The following CLIP4 variants were observed in gnomAD, a reference collection of about 807,000 sequenced individuals.
CLIP4 encodes CAP-Gly domain-containing linker protein 4.
Under a neutral mutation model 73.1 loss-of-function variants are expected in CLIP4, and 47 were observed. That is an observed-to-expected ratio of 0.64 (90% CI 0.51 to 0.82). The LOEUF is 0.82. Among genes scored for constraint, CLIP4 ranks in the 40% least tolerant of loss-of-function variants. The pLI, the probability that CLIP4 is intolerant of heterozygous loss-of-function variation, is 0.00. For synonymous variants in CLIP4, 306 were observed against 295.4 expected (o/e 1.04, Z -0.37); for missense variants, 874 against 852.9 (o/e 1.02, Z -0.31).
At position 29,126,305 on chromosome 2, in the gene CLIP4, T is replaced by C. The variant is rs953772809; in HGVS notation, c.133+4784T>C. ...ATTCAAATGTAGTTAGATATGTTAA[T>C]ATATTATTGCATTGTAGCTTAGAGG... On this transcript the variant is annotated intron_variant, in intron 2 of 15. Transcript: ENST00000320081. 2.6e-5 allele frequency among the ~76,000 whole-genome samples: 4 copies of C among 152,264 alleles called. No homozygotes were observed. The East Asian group carries it at 7.7e-4, about 29-fold the overall frequency.
intron 15 of CLIP4, 58 bp from the exon 16 acceptor site, chr2:29,181,514 C>A: frequency 7.7e-7 from 1 of 1,295,520 alleles, no homozygotes; most frequent in Non-Finnish European, 1.1e-6. Flanking sequence ...GAATATGATG[C>A]ATTGCATTAC....
At chr2:29,111,824 T>C (rs1241780209), upstream of CLIP4, among the ~76,000 whole-genome samples, 1 of 152,216 alleles carries the variant, frequency 6.6e-6, no homozygotes, top group East Asian at 1.9e-4. Context: ...CTTCAAGGAT[T>C]GTGCTTTTGC....
At chr2:29,170,708 T>A (rs996266208) in intron 14 of CLIP4, among the ~76,000 whole-genome samples, 3 of 152,226 alleles carry the variant, frequency 2.0e-5, no homozygotes, top group Non-Finnish European at 4.4e-5. Context: ...TCCTGTGTTA[T>A]CTTCTAGGAG....
intron 2 of CLIP4, among the ~76,000 whole-genome samples, chr2:29,126,732 C>CT (rs1468379734): frequency 2.6e-5 from 4 of 152,186 alleles, no homozygotes; most frequent in Admixed American, 6.5e-5. Flanking sequence ...GGTGAATTCT[C>CT]TAAGTGGCCC....
intron 7 of CLIP4, among the ~76,000 whole-genome samples, chr2:29,144,211 A>G (rs762129581): frequency 5.3e-5 from 8 of 152,202 alleles, no homozygotes; most frequent in Admixed American, 5.2e-4. Flanking sequence ...ATTTAGAAGC[A>G]TGAGCTAAGG....
chr2:29,132,083 A>G (rs1665011699), intron 3 of CLIP4, 69 bp from the exon 4 acceptor site: 1 of 1,135,174 alleles, frequency 8.8e-7, no homozygotes, highest in African/African-American at 1.5e-5. Context: ...TTGGTTCCTC[A>G]GCATTGGTTT....
intron 15 of CLIP4, 174 bp downstream of exon 15, chr2:29,174,619 G>T (rs550996839): frequency 1.5e-6 from 2 of 1,342,614 alleles, no homozygotes; most frequent in Non-Finnish European, 1.9e-6. Context: ...CTTTGCAAGC[G>T]CAATTAAAAA....
intron 9 of CLIP4, among the ~76,000 whole-genome samples, chr2:29,156,007 G>T (rs1411607837): frequency 1.3e-5 from 2 of 152,164 alleles, no homozygotes; most frequent in Non-Finnish European, 2.9e-5. Context: ...ACTATTTTCT[G>T]TGTCTTAAGA....
rs375466824 is a variant in CLIP4 at position 29,109,529 on chromosome 2, T to G, written c.-16+11582T>G. Among the ~76,000 whole-genome samples, 68 of 152,324 alleles carry G rather than the reference T, an allele frequency of 4.5e-4. No individual in the cohort carries two copies. The South Asian group carries it at 0.014, about 31-fold the overall frequency. ...TGTTGAGAACATTCAATATCCTCCT[T>G]GTAGCTATTTGAAACCATATAATAT... On this transcript the variant is annotated intron_variant, in intron 1 of 14. Coordinates refer to the CLIP4 transcript ENST00000401605.
rs547805594 is a variant in CLIP4 at position 29,106,634 on chromosome 2, T to G, written c.-16+8687T>G. 2.6e-5 allele frequency among the ~76,000 whole-genome samples: 4 copies of G among 152,232 alleles called. No homozygotes were observed. The East Asian group carries it at 7.7e-4, about 29-fold the overall frequency. The stretch of plus-strand genomic sequence containing the variant: ...GGTTCCAATTCAGGTTCCCCACACT[T>G]GCAACCATGACACTCTCTATTTTAC... On this transcript the variant is annotated intron_variant, in intron 1 of 14. Coordinates refer to the CLIP4 transcript ENST00000401605.
At chr2:29,113,387 C>T (rs1323955531), upstream of CLIP4, among the ~76,000 whole-genome samples, 1 of 152,212 alleles carries the variant, frequency 6.6e-6, no homozygotes, top group Non-Finnish European at 1.5e-5. This position sits in a 1 kb window ranked among gnomAD's most constrained non-coding sequence, Gnocchi z 4.0. Flanking sequence ...GTTCAAGTTC[C>T]AAGTTCTGGC....
intron 6 of CLIP4, among the ~76,000 whole-genome samples, chr2:29,143,179 C>T (rs761092040): frequency 6.6e-6 from 1 of 152,232 alleles, no homozygotes; most frequent in Admixed American, 6.5e-5. Context: ...AGCTTGCTTT[C>T]TCATGCCTCT....
chr2:29,101,294 C>A (rs1430065646), intron 1 of CLIP4, among the ~76,000 whole-genome samples: 16 of 145,150 alleles, frequency 1.1e-4, no homozygotes, highest in South Asian at 8.7e-4. Context: ...TTTCCCCCCC[C>A]CAAAACAAAA....
At chr2:29,123,242 T>C (rs539605951) in intron 2 of CLIP4, among the ~76,000 whole-genome samples, 2 of 152,322 alleles carry the variant, frequency 1.3e-5, no homozygotes, top group African/African-American at 4.8e-5. Flanking sequence ...CTAGACCCTT[T>C]TCATCGTAGC....
At chr2:29,107,548 A>AT (rs1175889084) in intron 1 of CLIP4, among the ~76,000 whole-genome samples, 3 of 149,696 alleles carry the variant, frequency 2.0e-5, no homozygotes, top group African/African-American at 2.5e-5. Flanking sequence ...ATTTTTTTGT[A>AT]TTTTTTTAGT....
At chr2:29,107,679 T>C (rs1330796803) in intron 1 of CLIP4, among the ~76,000 whole-genome samples, 1 of 151,910 alleles carries the variant, frequency 6.6e-6, no homozygotes, top group African/African-American at 2.4e-5. Context: ...TGGCTGAGAC[T>C]GAAATTGTTT....
rs557838397 is a variant in CLIP4 at position 29,142,700 on chromosome 2, G to A, written c.649-1009G>A. 5.9e-5 allele frequency among the ~76,000 whole-genome samples: 9 copies of A among 152,232 alleles called. No individual in the cohort carries two copies. The South Asian group carries it at 6.2e-4, about 11-fold the overall frequency. On this transcript the variant is annotated intron_variant, in intron 6 of 15. Transcript: ENST00000320081. Reference sequence around the variant, plus strand: ...AAACTAAGTGTGTTCTAAAAGCCTCGTTCATTTTTCCATGTGAATCATTTG... The same window carrying A: ...AAACTAAGTGTGTTCTAAAAGCCTCATTCATTTTTCCATGTGAATCATTTG...
chr2:29,150,676 T>C (rs1358241127), intron 8 of CLIP4, among the ~76,000 whole-genome samples: 1 of 138,286 alleles, frequency 7.2e-6, no homozygotes, highest in Non-Finnish European at 1.5e-5. Context: ...TTTGAGACAG[T>C]CTCTCACTCT....
At chr2:29,169,890 A>G (rs987577995) in intron 14 of CLIP4, among the ~76,000 whole-genome samples, 1 of 152,026 alleles carries the variant, frequency 6.6e-6, no homozygotes, top group African/African-American at 2.4e-5. Flanking sequence ...CCATTAGCCA[A>G]CCTCTCTTTA....
Sources: allele counts gnomAD v4.1 joint callset (sites outside exome capture counted in the v4.1 genomes callset), GRCh38; gene constraint gnomAD v4.1.1; non-coding constraint Gnocchi (gnomAD v3.1); transcripts MANE v1.5; gene names NCBI Gene and HGNC (gene_info 2026-07-23, HGNC 2026-07-21).